Variants in SPINK7 observed in about 807,000 individuals in gnomAD.
SPINK7 encodes the protein serine protease inhibitor Kazal-type 7.
In SPINK7, 8 loss-of-function variants were observed where a neutral mutation model predicts 11.6. The observed-to-expected ratio is 0.69, with a 90% CI of 0.41 to 1.25. The LOEUF (loss-of-function observed/expected upper bound fraction) is 1.25, where lower values mean the gene tolerates loss of function less well. Ranked by LOEUF, SPINK7 falls within the 50% of genes most tolerant of loss-of-function variation. SPINK7 has a pLI of 0.01. For missense variants in SPINK7, 113 were observed against 99.3 expected, an observed-to-expected ratio of 1.14 and a Z score of -0.58; for synonymous variants, 38 against 35.3, an observed-to-expected ratio of 1.08 and a Z score of -0.27.
intron 3 of SPINK7, 80 bp downstream of exon 3, chr5:148,314,304 T>C: frequency 1.5e-5 from 22 of 1,489,220 alleles, no homozygotes; most frequent in Non-Finnish European, 2.0e-5. Flanking sequence ...AGGATCCAGC[T>C]TAAATCTCTA....
At chr5:148,312,963 T>G (rs779867940) in intron 1 of SPINK7, among the ~76,000 whole-genome samples, 1 of 152,034 alleles carries the variant, frequency 6.6e-6, no homozygotes, top group Non-Finnish European at 1.5e-5. Flanking sequence ...AAAAATTAAT[T>G]AAAGTGTTTC....
chr5:148,315,872 C>T lies in SPINK7; in HGVS notation c.*188C>T, dbSNP rs547552265. 5.0e-6 allele frequency: 2 copies of T among 403,476 alleles called. No homozygotes were observed. Among genetic ancestry groups the T allele is most frequent in the East Asian group, 3.5e-5 (1 of 28,476 alleles). 25.0% of individuals were successfully genotyped at this position (403,476 alleles called of 1,614,324 possible). ...TACAAACCCATGCCTCACTGACAGACCAGCATTTTTTTTTTAACACGTCAA... is the reference window on the plus strand; with the variant it reads ...TACAAACCCATGCCTCACTGACAGATCAGCATTTTTTTTTTAACACGTCAA... On this transcript the variant is annotated 3_prime_UTR_variant, in exon 4 of 4. Coordinates refer to ENST00000274565, the MANE Select transcript of SPINK7 (RefSeq NM_032566.3).
rs146733499 is a variant in SPINK7, at chr5:148,314,374, G to C, written c.212+150G>C. On this transcript the variant is annotated intron_variant, in intron 3 of 3. Coordinates refer to ENST00000274565, the MANE Select transcript of SPINK7 (RefSeq NM_032566.3). ...AGCAGGTGGGGATAGAAAACTGACT[G>C]TTGCACAATCAGACAGGGTAGAGTC... The C allele has an allele frequency of 1.8e-5, 15 of 854,870 alleles. No homozygotes were observed. In the African/African-American group the frequency reaches 2.2e-4, roughly 13 times the overall value. 53.0% of individuals were successfully genotyped at this position (854,870 alleles called of 1,614,324 possible).
At position 148,314,103 on chromosome 5, in the gene SPINK7, G is replaced by A; in HGVS notation, c.91G>A (p.Asp31Asn). ...EAASLSPKKV[D>N]CSIYKKYPVV... ...CATTTGCTTGTATATGACACAGGTG[G>A]ACTGCAGCATTTACAAGAAGTATCC... Residue 31 changes from aspartate (D) to asparagine (N), a missense_variant, in exon 3 of 4, where the codon GAC (aspartate) becomes AAC (asparagine). Asp to Asn is a conservative substitution (Grantham distance 23). Transcript: ENST00000274565. 1.2e-6 allele frequency: 2 copies of A among 1,613,746 alleles called. No individual in the cohort carries two copies. The highest frequency in any genetic ancestry group is 2.2e-5 in the South Asian group (2 of 91,058).
Position 148,315,812 on chromosome 5 carries a change from T to A in SPINK7, c.*128T>A, listed in dbSNP as rs1756925175. 1.8e-6 allele frequency: 1 copy of A among 566,518 alleles called. No homozygotes were observed. The highest frequency in any genetic ancestry group is 3.2e-6 in the Non-Finnish European group (1 of 309,756). The allele number at this position is 566,518 out of a possible 1,614,324, so 35.1% of individuals were successfully genotyped here. On this transcript the variant is annotated 3_prime_UTR_variant, in exon 4 of 4. Coordinates refer to ENST00000274565, the MANE Select transcript of SPINK7 (RefSeq NM_032566.3). Reference sequence around the variant, plus strand: ...GGGGACAGAGCCAGATTCAGAGTAATCTTGACTGAATGGAGAAAGTTTCTG... The same window carrying A: ...GGGGACAGAGCCAGATTCAGAGTAAACTTGACTGAATGGAGAAAGTTTCTG...
In SPINK7 at chr5:148,315,825, G is replaced by T. The variant is rs1383733082; in HGVS notation, c.*141G>T. 8 of 525,800 alleles carry T rather than the reference G, an allele frequency of 1.5e-5. No individual in the cohort carries two copies. The highest frequency in any genetic ancestry group is 2.4e-5 in the Non-Finnish European group (7 of 288,128). The allele number at this position is 525,800 out of a possible 1,614,324, so 32.6% of individuals were successfully genotyped here. On this transcript the variant is annotated 3_prime_UTR_variant, in exon 4 of 4. Transcript: ENST00000274565. The stretch of plus-strand genomic sequence containing the variant: ...GATTCAGAGTAATCTTGACTGAATG[G>T]AGAAAGTTTCTGTGCTACCCCTACA...
chr5:148,314,331 A>T, intron 3 of SPINK7, 107 bp downstream of exon 3: 1 of 1,302,002 alleles, frequency 7.7e-7, no homozygotes, highest in Non-Finnish European at 1.1e-6. Flanking sequence ...GTAATTTATA[A>T]TTATTCCCAC....
At position 148,315,792 on chromosome 5, in the gene SPINK7, C is replaced by A; in HGVS notation, c.*108C>A. 1 of 686,136 alleles carries A rather than the reference C, an allele frequency of 1.5e-6. No homozygotes were observed. The highest frequency in any genetic ancestry group is 1.8e-5 in the African/African-American group (1 of 56,798). 42.5% of individuals were successfully genotyped at this position (686,136 alleles called of 1,614,324 possible). A position where few individuals can be genotyped will look rare whatever the true frequency, so the allele number is the denominator to read the frequency against. ...TTTTACTGATGTTCTGGGTGGGGGACAGAGCCAGATTCAGAGTAATCTTGA... is the reference window on the plus strand; with the variant it reads ...TTTTACTGATGTTCTGGGTGGGGGAAAGAGCCAGATTCAGAGTAATCTTGA... On this transcript the variant is annotated 3_prime_UTR_variant, in exon 4 of 4. Transcript: ENST00000274565.
Position 148,312,622 on chromosome 5 carries a change from C to T in SPINK7, c.61+78C>T, listed in dbSNP as rs992285760. ...ATAATCCCTCCTGCGATGTGAGCAT[C>T]TCAGAAACATCTGGTTGTAAGAATT... On this transcript the variant is annotated intron_variant, in intron 1 of 3. Transcript: ENST00000274565. The T allele has an allele frequency of 5.1e-6, 4 of 785,268 alleles. No individual in the cohort carries two copies. The African/African-American group carries it at 7.1e-5, about 14-fold the overall frequency. The allele number at this position is 785,268 out of a possible 1,614,324, so 48.6% of individuals were successfully genotyped here.
At chr5:148,313,887 G>A (rs965612748) in intron 2 of SPINK7, 2 of 584,980 alleles carry the variant, frequency 3.4e-6, no homozygotes, top group Non-Finnish European at 5.9e-6. Flanking sequence ...GCCTAGCCCA[G>A]AAATGCCCAG....
chr5:148,314,083 G>T lies in SPINK7; in HGVS notation c.88-17G>T, dbSNP rs768020041. 1 of 1,613,612 alleles carries T rather than the reference G, an allele frequency of 6.2e-7. No homozygotes were observed. Among genetic ancestry groups the T allele is most frequent in the South Asian group, 1.1e-5 (1 of 91,034 alleles). Reference sequence around the variant, plus strand: ...GGTCTGGGAGAAAAACAGGACATTTGCTTGTATATGACACAGGTGGACTGC... The same window carrying T: ...GGTCTGGGAGAAAAACAGGACATTTTCTTGTATATGACACAGGTGGACTGC... On this transcript the variant is annotated splice_polypyrimidine_tract_variant and intron_variant, in intron 2 of 3. Coordinates refer to ENST00000274565, the MANE Select transcript of SPINK7 (RefSeq NM_032566.3).
In SPINK7 at chr5:148,313,863, G is replaced by C. The variant is rs143795298; in HGVS notation, c.88-237G>C. 5.2e-3 allele frequency: 2,735 copies of C among 528,466 alleles called. 16 individuals are homozygous for C. The highest frequency in any genetic ancestry group is 8.1e-3 in the Non-Finnish European group (2,445 of 301,388). The allele number at this position is 528,466 out of a possible 1,614,324, so 32.7% of individuals were successfully genotyped here. On this transcript the variant is annotated intron_variant, in intron 2 of 3. Transcript: ENST00000274565. Reference sequence around the variant, plus strand: ...AGATTAAACAAGAAAATTCATGCAAGATTTAAGTTTAACGCCTAGCCCAGA... The same window carrying C: ...AGATTAAACAAGAAAATTCATGCAACATTTAAGTTTAACGCCTAGCCCAGA...
chr5:148,313,692 C>T (rs1756891870), intron 2 of SPINK7: 4 of 395,470 alleles, frequency 1.0e-5, no homozygotes, highest in Admixed American at 4.1e-5. Context: ...AGCAAAAGTA[C>T]CCTGATAAAT....
intron 3 of SPINK7, among the ~76,000 whole-genome samples, chr5:148,314,813 G>A (rs79381918): frequency 6.6e-6 from 1 of 152,016 alleles, no homozygotes; most frequent in Admixed American, 6.6e-5. Context: ...TAGCTTTAAG[G>A]GGGGAATAAG....
intron 3 of SPINK7, chr5:148,314,552 G>T (rs7713986): frequency 6.2e-6 from 2 of 321,282 alleles, no homozygotes; most frequent in Non-Finnish European, 5.7e-6. Context: ...TCACCATTAG[G>T]GTTAAAGGGA....
In SPINK7 at chr5:148,315,756, GTTTC is replaced by G; in HGVS notation, c.*77_*80del. 1.1e-6 allele frequency: 1 copy of G among 945,310 alleles called. No homozygotes were observed. The highest frequency in any genetic ancestry group is 2.4e-5 in the East Asian group (1 of 41,234). 58.6% of individuals were successfully genotyped at this position (945,310 alleles called of 1,614,324 possible). On this transcript the variant is annotated 3_prime_UTR_variant, in exon 4 of 4. Transcript: ENST00000274565. ...CTTCATCATCCCAGGCTCTGACTGAGTTTCTTTCAGTTTTACTGATGTTCTGGGT... is the reference window on the plus strand; with the variant it reads ...CTTCATCATCCCAGGCTCTGACTGAGTTTCAGTTTTACTGATGTTCTGGGT...
At chr5:148,314,047 G>T in intron 2 of SPINK7, 53 bp from the exon 3 acceptor site, 1 of 1,610,152 alleles carries the variant, frequency 6.2e-7, no homozygotes, top group Non-Finnish European at 8.5e-7. Flanking sequence ...TCTAATAGTG[G>T]CCTAGCTTGG....
At chr5:148,315,221 C>T (rs974162540) in intron 3 of SPINK7, among the ~76,000 whole-genome samples, 1 of 152,014 alleles carries the variant, frequency 6.6e-6, no homozygotes, top group Admixed American at 6.6e-5. Context: ...GGAAACTAGC[C>T]CTTGGCCAGG....
chr5:148,314,216 C>T lies in SPINK7; in HGVS notation c.204C>T (p.Thr68=), dbSNP rs371400056. ...ATGGGAATGAATGTCACTTGTGTAC[C>T]GAGAGCTTGTGAGTACCTCATAAGA... ...ITYGNECHLC[T]ESLKSNGRVQ... Residue 68 remains threonine (T), a synonymous_variant, in exon 3 of 4, where the codon ACC becomes ACT. Coordinates refer to ENST00000274565, the MANE Select transcript of SPINK7 (RefSeq NM_032566.3). The T allele has an allele frequency of 8.2e-5, 133 of 1,613,424 alleles. 1 individual carries two copies. In the Middle Eastern group the frequency reaches 2.0e-3, roughly 24 times the overall value.
Sources: allele counts gnomAD v4.1 joint callset (sites outside exome capture counted in the v4.1 genomes callset), GRCh38; gene constraint gnomAD v4.1.1; transcripts MANE v1.5; gene names NCBI Gene and HGNC (gene_info 2026-07-23, HGNC 2026-07-21).